WWOX: variants seen among roughly 807,000 people sequenced by gnomAD.
WWOX encodes the protein WW domain-containing oxidoreductase.
A neutral mutation model predicts 46.2 loss-of-function variants in WWOX; 69 were observed. The ratio of observed to expected loss-of-function variants is 1.49; its 90% confidence interval spans 1.23 to 1.82. The LOEUF is 1.82. WWOX is among the 40% of genes most tolerant of loss of function. The probability of loss-of-function intolerance (pLI) is 0.00; values close to 1 mark genes in which losing one functional copy is unlikely to be tolerated. For missense variants in WWOX, 919 were observed against 542.6 expected, an observed-to-expected ratio of 1.69 and a Z score of -6.89; for synonymous variants, 359 against 202.6, an observed-to-expected ratio of 1.77 and a Z score of -6.56.
chr16:78,604,411 A>G (rs1009769431), intron 8 of WWOX, among the ~76,000 whole-genome samples: 2 of 152,064 alleles, frequency 1.3e-5, no homozygotes, highest in African/African-American at 2.4e-5. Context: ...GAGCCCTTGT[A>G]CCAAGCACGG....
At chr16:78,939,079 G>A (rs1272091669) in intron 8 of WWOX, among the ~76,000 whole-genome samples, 2 of 152,232 alleles carry the variant, frequency 1.3e-5, no homozygotes, top group African/African-American at 2.4e-5. Flanking sequence ...GGTAGCCACA[G>A]GAGGGCTTTA....
chr16:78,883,504 A>C (rs1431150736), intron 8 of WWOX, among the ~76,000 whole-genome samples: 1 of 152,144 alleles, frequency 6.6e-6, no homozygotes, highest in Non-Finnish European at 1.5e-5. Flanking sequence ...CAAGCTGATC[A>C]CTTGAGGTCA....
chr16:78,787,575 C>G (rs1418837155), intron 8 of WWOX, among the ~76,000 whole-genome samples: 1 of 152,132 alleles, frequency 6.6e-6, no homozygotes, highest in Non-Finnish European at 1.5e-5. Context: ...AGTGGGTGGT[C>G]ATTGTGTTTC....
At chr16:79,060,206 T>G (rs898399522) in intron 8 of WWOX, among the ~76,000 whole-genome samples, 4 of 152,204 alleles carry the variant, frequency 2.6e-5, no homozygotes, top group Non-Finnish European at 5.9e-5. Context: ...TCTTGCTAAT[T>G]TATTTCCTTG....
chr16:78,690,849 G>C (rs944452878), intron 8 of WWOX, among the ~76,000 whole-genome samples: 1 of 152,178 alleles, frequency 6.6e-6, no homozygotes, highest in Non-Finnish European at 1.5e-5. Context: ...GCCTACCCAG[G>C]ATGGCTTGAT....
At chr16:78,859,722 T>A (rs2052672208) in intron 8 of WWOX, among the ~76,000 whole-genome samples, 1 of 152,172 alleles carries the variant, frequency 6.6e-6, no homozygotes, top group South Asian at 2.1e-4. Context: ...TTAGAGGATA[T>A]AACAGCTGGC....
chr16:78,807,455 A>G (rs762690518), intron 8 of WWOX, among the ~76,000 whole-genome samples: 5 of 152,244 alleles, frequency 3.3e-5, no homozygotes, highest in African/African-American at 9.6e-5. Context: ...CTGAATCATG[A>G]GGCCATGTAA....
chr16:78,727,015 T>C (rs2048851624), intron 8 of WWOX, among the ~76,000 whole-genome samples: 1 of 152,198 alleles, frequency 6.6e-6, no homozygotes, highest in Admixed American at 6.5e-5. Context: ...CTCTACATCT[T>C]CCGTGGTGTA....
chr16:79,045,103 T>A (rs2048040863), intron 8 of WWOX, among the ~76,000 whole-genome samples: 1 of 152,218 alleles, frequency 6.6e-6, no homozygotes, highest in Non-Finnish European at 1.5e-5. Context: ...GCCTCAAATT[T>A]TAGGCATTCG....
At chr16:79,053,667 G>A (rs1376377420) in intron 8 of WWOX, among the ~76,000 whole-genome samples, 1 of 152,052 alleles carries the variant, frequency 6.6e-6, no homozygotes, top group African/African-American at 2.4e-5. Flanking sequence ...TTTACAAATT[G>A]GTTTAGGTTG....
At chr16:78,535,341 T>A (rs1345986377) in intron 8 of WWOX, 1 of 152,232 alleles carries the variant, frequency 6.6e-6, no homozygotes, top group Non-Finnish European at 1.5e-5. Flanking sequence ...ATATGGGTAA[T>A]GACTTGCTGC....
At chr16:78,794,866 TTGAC>T (rs1229687404) in intron 8 of WWOX, among the ~76,000 whole-genome samples, 4 of 152,346 alleles carry the variant, frequency 2.6e-5, no homozygotes, top group East Asian at 1.9e-4. Context: ...CTGTCTGACT[TTGAC>T]TGGGTTAGTG....
At chr16:78,908,834 A>C in intron 8 of WWOX, among the ~76,000 whole-genome samples, 1 of 152,212 alleles carries the variant, frequency 6.6e-6, no homozygotes, top group East Asian at 1.9e-4. Flanking sequence ...GGGTCTGCAA[A>C]GTATCTAAAG....
chr16:78,912,563 C>T (rs2045139687), intron 8 of WWOX, among the ~76,000 whole-genome samples: 1 of 152,028 alleles, frequency 6.6e-6, no homozygotes, highest in Admixed American at 6.6e-5. Flanking sequence ...ACAAAACCAG[C>T]AGGGTTATAT....
chr16:78,681,827 T>C (rs1258191771), intron 8 of WWOX, among the ~76,000 whole-genome samples: 1 of 152,186 alleles, frequency 6.6e-6, no homozygotes, highest in Non-Finnish European at 1.5e-5. Context: ...GGGCTTCTTT[T>C]CTTCAACTTT....
At chr16:78,892,079 T>C (rs2044602654) in intron 8 of WWOX, 1 of 152,184 alleles carries the variant, frequency 6.6e-6, no homozygotes, top group Non-Finnish European at 1.5e-5. Flanking sequence ...CCTTGCTTAG[T>C]GAATGTCTTC....
At chr16:78,894,222 C>G (rs1264907181) in intron 8 of WWOX, among the ~76,000 whole-genome samples, 3 of 151,990 alleles carry the variant, frequency 2.0e-5, no homozygotes, top group South Asian at 2.1e-4. Context: ...ACTTTTATTT[C>G]CATAGTTAGC....
intron 8 of WWOX, among the ~76,000 whole-genome samples, chr16:79,015,872 C>G (rs1028510242): frequency 6.6e-6 from 1 of 152,214 alleles, no homozygotes; most frequent in Non-Finnish European, 1.5e-5. Flanking sequence ...CTGCCTCAGA[C>G]TCCCGAGTAG....
At chr16:78,489,263 G>T (rs1325939901) in intron 8 of WWOX, among the ~76,000 whole-genome samples, 1 of 152,180 alleles carries the variant, frequency 6.6e-6, no homozygotes, top group Non-Finnish European at 1.5e-5. Context: ...CCCACCACCA[G>T]CTGTAACATA....
Sources: gnomAD v4.1 joint callset for allele counts (sites outside exome capture counted in the v4.1 genomes callset) on GRCh38, gnomAD v4.1.1 for gene constraint, MANE v1.5 for transcripts, NCBI Gene and HGNC (gene_info 2026-07-23, HGNC 2026-07-21) for gene names.